TIAM2: variants seen among roughly 807,000 people sequenced by gnomAD.
The protein encoded by TIAM2 is TIAM Rac1 associated GEF 2, also known as rho guanine nucleotide exchange factor TIAM2.
In TIAM2, 80 loss-of-function variants were observed where a neutral mutation model predicts 152.9. The ratio of observed to expected loss-of-function variants is 0.52; its 90% confidence interval spans 0.44 to 0.63. The LOEUF (loss-of-function observed/expected upper bound fraction) is 0.63. Among genes scored for constraint, TIAM2 ranks in the 30% least tolerant of loss-of-function variants. The probability of loss-of-function intolerance (pLI) is 0.00; values close to 1 mark genes in which losing one functional copy is unlikely to be tolerated. For synonymous variants in TIAM2, 804 were observed against 838.0 expected (o/e 0.96, Z 0.70); for missense variants, 1,965 against 2,120.1 (o/e 0.93, Z 1.44).
chr6:155,183,595 T>G (rs1780965484), intron 14 of TIAM2, 95 bp downstream of exon 14: 1 of 1,423,342 alleles, frequency 7.0e-7, no homozygotes, highest in African/African-American at 1.4e-5. Flanking sequence ...TTATTTAAGC[T>G]GTTCAAAGAA....
intron 1 of TIAM2, among the ~76,000 whole-genome samples, chr6:155,089,568 C>T (rs1269592427): frequency 6.6e-6 from 1 of 152,182 alleles, no homozygotes; most frequent in Non-Finnish European, 1.5e-5. Context: ...AGTTCTGCTC[C>T]AGAATCCGTA....
chr6:155,248,687 A>G (rs961771773), intron 20 of TIAM2, among the ~76,000 whole-genome samples: 1 of 152,220 alleles, frequency 6.6e-6, no homozygotes, highest in Non-Finnish European at 1.5e-5. Context: ...CTGGTGTGTT[A>G]CTGTTTGAAC....
intron 1 of TIAM2, among the ~76,000 whole-genome samples, chr6:155,034,604 T>G (rs542234627): frequency 6.6e-6 from 1 of 152,294 alleles, no homozygotes; most frequent in South Asian, 2.1e-4. Context: ...AGATGTTTGC[T>G]GCCTTCCTGC....
At position 155,250,896 on chromosome 6, in the gene TIAM2, C is replaced by G; in HGVS notation, c.3952-17C>G. The G allele has an allele frequency of 6.2e-7, 1 of 1,611,284 alleles. No homozygotes were observed. The highest frequency in any genetic ancestry group is 8.5e-7 in the Non-Finnish European group (1 of 1,177,404). On this transcript the variant is annotated splice_polypyrimidine_tract_variant and intron_variant, in intron 21 of 26. Coordinates refer to ENST00000682666, the MANE Select transcript of TIAM2 (RefSeq NM_012454.4). ...GGGATTTCCGTATCTTCCTTACCTC[C>G]TGTTTTTACAATCTAGGTAACAGAA...
Position 155,164,133 on chromosome 6 carries a change from G to GTTTTT in TIAM2, c.2029-274_2029-270dup, listed in dbSNP as rs375238178. Reference sequence around the variant, plus strand: ...TGGCACCACACCAGCTAATTTTTGTGTTTTTTTTTTTTCTTTTTTTTAGTA... The same window carrying GTTTTT: ...TGGCACCACACCAGCTAATTTTTGTGTTTTTTTTTTTTTTTTTCTTTTTTTTAGTA... On this transcript the variant is annotated intron_variant, in intron 7 of 26. Coordinates refer to ENST00000682666, the MANE Select transcript of TIAM2 (RefSeq NM_012454.4). 6.5e-3 allele frequency among the ~76,000 whole-genome samples: 770 copies of GTTTTT among 117,880 alleles called. 79 individuals carry two copies. The highest frequency in any genetic ancestry group is 0.027 in the Middle Eastern group (5 of 188). 77.3% of individuals were successfully genotyped at this position (117,880 alleles called of 152,430 possible).
At chr6:155,118,120 GA>G (rs1221661272) in intron 2 of TIAM2, among the ~76,000 whole-genome samples, 2 of 152,196 alleles carry the variant, frequency 1.3e-5, no homozygotes, top group African/African-American at 4.8e-5. Context: ...GTGGGTAGGG[GA>G]GGGTGTAAGG....
intron 7 of TIAM2, among the ~76,000 whole-genome samples, chr6:155,161,630 C>G (rs200378859): frequency 1.3e-5 from 2 of 148,922 alleles, no homozygotes; most frequent in Non-Finnish European, 3.0e-5. Flanking sequence ...TGCAGTGGTG[C>G]GATCTCAGCT....
intron 1 of TIAM2, among the ~76,000 whole-genome samples, chr6:155,016,832 G>A (rs1209802289): frequency 3.3e-5 from 5 of 152,140 alleles, no homozygotes; most frequent in Admixed American, 1.3e-4. Context: ...CCTGGGAAGC[G>A]GAAGTTGCTG....
chr6:155,054,028 C>T (rs1291047388), intron 1 of TIAM2, among the ~76,000 whole-genome samples: 2 of 152,084 alleles, frequency 1.3e-5, no homozygotes, highest in Non-Finnish European at 2.9e-5. Flanking sequence ...CAAAATCTAG[C>T]CAGGCATGGT....
chr6:155,000,881 G>A (rs990868591), intron 1 of TIAM2, among the ~76,000 whole-genome samples: 3 of 152,114 alleles, frequency 2.0e-5, no homozygotes, highest in Admixed American at 1.3e-4. Context: ...CTACTCGGGA[G>A]GTTGGGGCAC....
chr6:155,149,933 G>A (rs1295506090), intron 7 of TIAM2, among the ~76,000 whole-genome samples: 3 of 147,968 alleles, frequency 2.0e-5, no homozygotes, highest in Admixed American at 6.8e-5. Context: ...AAAAAAAAAA[G>A]AATTCAGCAT....
intron 1 of TIAM2, among the ~76,000 whole-genome samples, chr6:155,017,423 G>A (rs1778610586): frequency 6.6e-6 from 1 of 151,916 alleles, no homozygotes; most frequent in African/African-American, 2.4e-5. Context: ...TGAGAGCTTG[G>A]GTGGGGCAGC....
chr6:155,006,682 CAAAAAAA>C (rs577214442), intron 1 of TIAM2, among the ~76,000 whole-genome samples: 200 of 87,212 alleles, frequency 2.3e-3, no homozygotes, highest in African/African-American at 7.9e-3. Context: ...CTCCCCCCAC[CAAAAAAA>C]AAAAAAAAGA....
intron 5 of TIAM2, among the ~76,000 whole-genome samples, chr6:155,141,394 T>TACACACAC (rs67844080): frequency 1.3e-5 from 2 of 150,142 alleles, no homozygotes; most frequent in South Asian, 2.1e-4. Context: ...CATATATGTG[T>TACACACAC]ACACACACAC....
chr6:155,020,675 T>A (rs1454189249), intron 1 of TIAM2, among the ~76,000 whole-genome samples: 1 of 152,092 alleles, frequency 6.6e-6, no homozygotes, highest in Non-Finnish European at 1.5e-5. Flanking sequence ...GTTGGCCAGG[T>A]TGGTCTCAAA....
intron 14 of TIAM2, among the ~76,000 whole-genome samples, chr6:155,187,812 G>A (rs1249267896): frequency 3.3e-5 from 5 of 151,810 alleles, no homozygotes; most frequent in Non-Finnish European, 7.4e-5. Flanking sequence ...TCCCAACCTC[G>A]GGTGATCTGC....
At chr6:154,999,672 T>C (rs1034617600) in intron 1 of TIAM2, among the ~76,000 whole-genome samples, 1 of 152,104 alleles carries the variant, frequency 6.6e-6, no homozygotes, top group Non-Finnish European at 1.5e-5. Context: ...TCTTGTAACT[T>C]CTTTTTTTAT....
At chr6:155,059,325 T>TGTGC (rs1491329889) in intron 1 of TIAM2, among the ~76,000 whole-genome samples, 3 of 135,464 alleles carry the variant, frequency 2.2e-5, no homozygotes, top group South Asian at 2.3e-4. Flanking sequence ...TGTGTGTGTG[T>TGTGC]GCGCGTGTAT....
rs111766860 is a variant in TIAM2 at position 155,250,425 on chromosome 6, C to G, written c.3951+456C>G. On this transcript the variant is annotated intron_variant, in intron 21 of 26. Transcript: ENST00000682666. ...GCTTAATTTAGAATCTTGTGCTTCT[C>G]AAGCCAGCATGCAGGAAGTAGCATA... The G allele has an allele frequency of 6.4e-6, 5 of 779,952 alleles. No homozygotes were observed. The South Asian group carries it at 1.1e-4, about 16-fold the overall frequency. 48.3% of individuals were successfully genotyped at this position (779,952 alleles called of 1,614,324 possible). A position where few individuals can be genotyped will look rare whatever the true frequency, so the allele number is the denominator to read the frequency against.
Sources: gnomAD v4.1 joint callset for allele counts (sites outside exome capture counted in the v4.1 genomes callset) on GRCh38, gnomAD v4.1.1 for gene constraint, MANE v1.5 for transcripts, NCBI Gene and HGNC (gene_info 2026-07-23, HGNC 2026-07-21) for gene names.